ARHGAP31: variants seen among roughly 807,000 people sequenced by gnomAD.
ARHGAP31 encodes Rho GTPase activating protein 31, also known as rho GTPase-activating protein 31.
Under a neutral mutation model 113.9 loss-of-function variants are expected in ARHGAP31, and 34 were observed. The observed-to-expected ratio is 0.30, with a 90% CI of 0.23 to 0.40. ARHGAP31 has a LOEUF of 0.40. ARHGAP31 is among the 10% of genes least tolerant of loss of function. The pLI is 1.00. For synonymous variants in ARHGAP31, 650 were observed against 684.8 expected (o/e 0.95, Z 0.79); for missense variants, 1,548 against 1,767.1 (o/e 0.88, Z 2.22).
intron 3 of ARHGAP31, among the ~76,000 whole-genome samples, chr3:119,374,543 G>A (rs1458964166): frequency 6.6e-6 from 1 of 152,180 alleles, no homozygotes; most frequent in African/African-American, 2.4e-5. Flanking sequence ...TCCACATGTT[G>A]AGGGAGGGAC....
chr3:119,359,371 C>A (rs1031437922), intron 1 of ARHGAP31, among the ~76,000 whole-genome samples: 1 of 151,832 alleles, frequency 6.6e-6, no homozygotes, highest in African/African-American at 2.4e-5. Context: ...GGAAACTTTT[C>A]TCCAAGGAGG....
rs548626898 is a variant in ARHGAP31 at position 119,316,743 on chromosome 3, G to A, written c.100+21739G>A. Among the ~76,000 whole-genome samples the A allele has an allele frequency of 1.1e-3, 167 of 152,344 alleles. 1 individual carries two copies. The highest frequency in any genetic ancestry group is 3.9e-3 in the African/African-American group (161 of 41,580). ...GTGGGGCCTCAGAGGGAAGGCTCTA[G>A]GGTTCCCCACCCTGCTTCAGCCAAA... On this transcript the variant is annotated intron_variant, in intron 1 of 11. Coordinates refer to ENST00000264245, the MANE Select transcript of ARHGAP31 (RefSeq NM_020754.4).
chr3:119,383,002 T>G, intron 5 of ARHGAP31, 82 bp from the exon 6 acceptor site: 1 of 1,528,924 alleles, frequency 6.5e-7, no homozygotes. Flanking sequence ...ATGAGCCTTG[T>G]GCAAAAGGCC....
intron 1 of ARHGAP31, among the ~76,000 whole-genome samples, chr3:119,344,533 C>G (rs914848514): frequency 6.6e-6 from 1 of 152,176 alleles, no homozygotes; most frequent in African/African-American, 2.4e-5. Flanking sequence ...CCCAATGGGA[C>G]AGTAATCACA....
intron 3 of ARHGAP31, among the ~76,000 whole-genome samples, chr3:119,373,176 T>C (rs1449254872): frequency 6.6e-6 from 1 of 152,036 alleles, no homozygotes; most frequent in Non-Finnish European, 1.5e-5. Flanking sequence ...AAAAGGCAAA[T>C]GACTAAATAT....
At chr3:119,378,352 G>A (rs551509559) in intron 3 of ARHGAP31, among the ~76,000 whole-genome samples, 2 of 152,270 alleles carry the variant, frequency 1.3e-5, no homozygotes, top group South Asian at 4.2e-4. Context: ...GAGGGTTGGG[G>A]TAGGATGGGG....
chr3:119,328,736 G>C (rs2079867363), intron 1 of ARHGAP31, among the ~76,000 whole-genome samples: 1 of 152,036 alleles, frequency 6.6e-6, no homozygotes, highest in South Asian at 2.1e-4. Context: ...CGCCTCCTGA[G>C]TTCAAGCGAT....
chr3:119,344,362 T>C (rs888920990), intron 1 of ARHGAP31, among the ~76,000 whole-genome samples: 4 of 152,236 alleles, frequency 2.6e-5, no homozygotes, highest in African/African-American at 7.2e-5. Flanking sequence ...CCACCCATTC[T>C]GCAAGTACAC....
rs773456896 is a variant in ARHGAP31 at position 119,401,931 on chromosome 3, G to C, written c.1179G>C (p.Lys393Asn). The change falls in exon 10 of 12, where the codon AAG becomes AAC. Residue 393 changes from lysine (K) to asparagine (N), a missense_variant. Transcript: ENST00000264245. ...CCGGCAGCTCATGTGACCTCACCAA[G>C]CAGGAGGGCGAATGGGGCCAGGAGG... Reference protein sequence around the residue: ...TGTGSSCDLTKQEGEWGQEGM... With the variant: ...TGTGSSCDLTNQEGEWGQEGM... 3.1e-6 allele frequency: 5 copies of C among 1,614,016 alleles called. No individual in the cohort carries two copies. Among genetic ancestry groups the C allele is most frequent in the African/African-American group, 1.3e-5 (1 of 74,906 alleles).
In ARHGAP31 at chr3:119,414,347, A is replaced by G. The variant is rs752493947; in HGVS notation, c.2418A>G (p.Arg806=). 1 of 1,614,194 alleles carries G rather than the reference A, an allele frequency of 6.2e-7. No homozygotes were observed. Among genetic ancestry groups the G allele is most frequent in the Non-Finnish European group, 8.5e-7 (1 of 1,180,022 alleles). The stretch of plus-strand genomic sequence containing the variant: ...TGCTTTCAAAGGGCGGCCCGGAAAG[A>G]GAAGACTCATCCAGGAAATTGAGGA... The part of the protein sequence containing the change: ...PVLLSKGGPE[R]EDSSRKLRTD... The change falls in exon 12 of 12, where the codon AGA becomes AGG. Residue 806 remains arginine (R), a synonymous_variant. Coordinates refer to ENST00000264245, the MANE Select transcript of ARHGAP31 (RefSeq NM_020754.4).
chr3:119,324,488 C>T (rs762828927), intron 1 of ARHGAP31, among the ~76,000 whole-genome samples: 2 of 152,158 alleles, frequency 1.3e-5, no homozygotes, highest in Non-Finnish European at 2.9e-5. Flanking sequence ...AAAAAATTAG[C>T]AGTCCTAGGT....
rs149283866 is a variant in ARHGAP31, at chr3:119,350,046, T to G, written c.101-15270T>G. On this transcript the variant is annotated intron_variant, in intron 1 of 11. Transcript: ENST00000264245. ...GTGATTTTTTTTCTTTTGCTCATCT[T>G]TATTTTTAACTTGCACTACTTGTAG... is the stretch of plus-strand genomic sequence containing the variant. Among the ~76,000 whole-genome samples the G allele has an allele frequency of 3.6e-3, 545 of 152,342 alleles. 6 individuals are homozygous for G. The highest frequency in any genetic ancestry group is 0.012 in the African/African-American group (516 of 41,570).
chr3:119,300,839 AAAAAAAGAAAGAAAG>A (rs2079576258), intron 1 of ARHGAP31, among the ~76,000 whole-genome samples: 1 of 140,226 alleles, frequency 7.1e-6, no homozygotes. Context: ...TCAAAAAAAA[AAAAAAAGAAAGAAAG>A]AAAGAAAGAA....
Position 119,342,722 on chromosome 3 carries a change from G to A in ARHGAP31, c.101-22594G>A, listed in dbSNP as rs547129104. On this transcript the variant is annotated intron_variant, in intron 1 of 11. Coordinates refer to ENST00000264245, the MANE Select transcript of ARHGAP31 (RefSeq NM_020754.4). ...CCCAGCGCTTGGGGAGGCCAAGGTG[G>A]GCGGATCACCTGAGGTTGGGAGTTC... Among the ~76,000 whole-genome samples the A allele has an allele frequency of 7.9e-5, 12 of 152,316 alleles. No homozygotes were observed. The South Asian group carries it at 2.5e-3, about 32-fold the overall frequency.
intron 1 of ARHGAP31, among the ~76,000 whole-genome samples, chr3:119,352,196 C>T (rs1300974459): frequency 6.6e-6 from 1 of 152,206 alleles, no homozygotes; most frequent in Non-Finnish European, 1.5e-5. Context: ...AGCTCTAAGA[C>T]CAAGGTCACA....
intron 1 of ARHGAP31, among the ~76,000 whole-genome samples, chr3:119,302,683 A>T (rs1296244214): frequency 2.0e-5 from 3 of 152,230 alleles, no homozygotes; most frequent in African/African-American, 4.8e-5. Context: ...TGATGCCAAG[A>T]TTATAGAGAT....
intron 1 of ARHGAP31, among the ~76,000 whole-genome samples, chr3:119,336,761 G>C (rs1256131628): frequency 6.6e-6 from 1 of 152,058 alleles, no homozygotes; most frequent in Non-Finnish European, 1.5e-5. Context: ...TACAACATTT[G>C]CATCACCCTC....
intron 2 of ARHGAP31, among the ~76,000 whole-genome samples, chr3:119,366,931 G>T (rs745375257): frequency 3.9e-5 from 6 of 152,004 alleles, no homozygotes; most frequent in Non-Finnish European, 5.9e-5. Context: ...ATGAAACTCC[G>T]TCTCTACTAA....
chr3:119,390,961 G>A lies in ARHGAP31; in HGVS notation c.859G>A (p.Val287Ile). ...TCCCATGGGCACCCTCTTCCACACT[G>A]TCCTTGAGTTACCAGACAACAAGTA... is the stretch of plus-strand genomic sequence containing the variant. ...VPPMGTLFHT[V>I]LELPDNKRKL... Residue 287 changes from valine (V) to isoleucine (I), a missense_variant, in exon 7 of 12, where the codon GTC becomes ATC. By Grantham distance (29) the Val-to-Ile change is conservative (BLOSUM62 3). Coordinates refer to ENST00000264245, the MANE Select transcript of ARHGAP31 (RefSeq NM_020754.4). 3.1e-6 allele frequency: 5 copies of A among 1,614,176 alleles called. No homozygotes were observed. The highest frequency in any genetic ancestry group is 4.2e-6 in the Non-Finnish European group (5 of 1,180,032).
Sources: gnomAD v4.1 joint callset for allele counts (sites outside exome capture counted in the v4.1 genomes callset) on GRCh38, gnomAD v4.1.1 for gene constraint, MANE v1.5 for transcripts, NCBI Gene and HGNC (gene_info 2026-07-23, HGNC 2026-07-21) for gene names.